The following MARCHF6 variants were observed in gnomAD, a reference collection of about 807,000 sequenced individuals.
MARCHF6 encodes the protein E3 ubiquitin-protein ligase MARCHF6.
MARCHF6 carries 31 observed loss-of-function variants against 133.7 expected under a neutral mutation model. The ratio of observed to expected loss-of-function variants is 0.23; its 90% confidence interval spans 0.17 to 0.31. MARCHF6 has a LOEUF of 0.31. Ranked by LOEUF, MARCHF6 falls within the 10% of genes least tolerant of loss-of-function variation. The pLI, the probability that MARCHF6 is intolerant of heterozygous loss-of-function variation, is 1.00. For missense variants in MARCHF6, 723 were observed against 1,121.6 expected, an observed-to-expected ratio of 0.64 and a Z score of 5.08; for synonymous variants, 395 against 402.5, an observed-to-expected ratio of 0.98 and a Z score of 0.22.
chr5:10,417,995 G>A (rs1739615857), intron 22 of MARCHF6, among the ~76,000 whole-genome samples: 1 of 152,094 alleles, frequency 6.6e-6, no homozygotes, highest in South Asian at 2.1e-4. Context: ...CTTTGAGGTA[G>A]GGTGAATTGT....
chr5:10,394,776 A>G lies in MARCHF6; in HGVS notation c.852A>G (p.Leu284=). Residue 284 remains leucine (L), a synonymous_variant, in exon 9 of 26, where the codon CTA becomes CTG. Transcript: ENST00000274140. ...AGATGCTAGGACTTGATGGATCACTAGTTTTTCTGGTAAGTAAAACTAATT... is the reference window on the plus strand; with the variant it reads ...AGATGCTAGGACTTGATGGATCACTGGTTTTTCTGGTAAGTAAAACTAATT... ...WERMLGLDGS[L]VFLEHVFWVV... is the part of the protein sequence containing the mutation. 3 of 1,559,984 alleles carry G rather than the reference A, an allele frequency of 1.9e-6. No individual in the cohort carries two copies. The highest frequency in any genetic ancestry group is 1.2e-5 in the South Asian group (1 of 86,122).
chr5:10,375,188 G>A (rs1736698041), intron 1 of MARCHF6, among the ~76,000 whole-genome samples: 1 of 152,222 alleles, frequency 6.6e-6, no homozygotes, highest in Non-Finnish European at 1.5e-5. Context: ...CTGGGGCTGC[G>A]TGCAGCGCTT....
At position 10,439,435 on chromosome 5, in the gene MARCHF6, G is replaced by A. The variant is rs972482121; in HGVS notation, c.*5751G>A. ...AAGCACAATCCATGAAGGAAAAATC[G>A]ATAAATTGTACTTTATCAAAATTGA... is the stretch of plus-strand genomic sequence containing the variant. On this transcript the variant is annotated 3_prime_UTR_variant, in exon 26 of 26. Transcript: ENST00000274140. The A allele has an allele frequency of 4.6e-5, 7 of 152,122 alleles. No homozygotes were observed. The highest frequency in any genetic ancestry group is 4.1e-4 in the South Asian group (2 of 4,828). The allele number at this position is 152,122 out of a possible 1,614,324, so 9.4% of individuals were successfully genotyped here.
chr5:10,425,802 C>G (rs1740051734), intron 23 of MARCHF6, among the ~76,000 whole-genome samples: 1 of 152,218 alleles, frequency 6.6e-6, no homozygotes, highest in South Asian at 2.1e-4. Flanking sequence ...CTTTCCTCTG[C>G]ATTACTCTTG....
At chr5:10,355,950 CTTTAT>C (rs967985495) in intron 1 of MARCHF6, among the ~76,000 whole-genome samples, 2 of 152,210 alleles carry the variant, frequency 1.3e-5, no homozygotes, top group African/African-American at 4.8e-5. Context: ...CTTTATTTTG[CTTTAT>C]TTTGTTTTAT....
intron 19 of MARCHF6, 55 bp downstream of exon 19, chr5:10,411,592 T>A: frequency 3.5e-6 from 5 of 1,440,878 alleles, no homozygotes; most frequent in Non-Finnish European, 4.7e-6. Flanking sequence ...TTTTTTGTTC[T>A]CCAAATTGCT....
At chr5:10,423,389 T>C (rs1477570080) in intron 22 of MARCHF6, among the ~76,000 whole-genome samples, 1 of 152,236 alleles carries the variant, frequency 6.6e-6, no homozygotes, top group East Asian at 1.9e-4. Flanking sequence ...ATCAGCTCAC[T>C]TGAAACCAAT....
intron 25 of MARCHF6, among the ~76,000 whole-genome samples, chr5:10,430,924 G>A (rs1323234131): frequency 1.3e-5 from 2 of 152,172 alleles, no homozygotes; most frequent in Non-Finnish European, 2.9e-5. Flanking sequence ...CTTTATGTCC[G>A]AACTGTAGGC....
intron 11 of MARCHF6, 173 bp downstream of exon 11, chr5:10,401,015 G>A: frequency 1.8e-6 from 1 of 553,900 alleles, no homozygotes; most frequent in Non-Finnish European, 3.2e-6. Flanking sequence ...TCAAGAGATA[G>A]TGGTCATGTT....
chr5:10,357,836 A>G (rs1354007728), intron 1 of MARCHF6, among the ~76,000 whole-genome samples: 1 of 152,222 alleles, frequency 6.6e-6, no homozygotes, highest in Non-Finnish European at 1.5e-5. Flanking sequence ...CATAGAGCTT[A>G]CATTATAGTT....
At chr5:10,406,432 C>A (rs1738895213) in intron 16 of MARCHF6, among the ~76,000 whole-genome samples, 1 of 151,178 alleles carries the variant, frequency 6.6e-6, no homozygotes, top group African/African-American at 2.4e-5. Context: ...GTCTGTCACC[C>A]ATGTTAGAGT....
chr5:10,371,319 C>A (rs981405747), intron 1 of MARCHF6, among the ~76,000 whole-genome samples: 1 of 151,684 alleles, frequency 6.6e-6, no homozygotes, highest in African/African-American at 2.4e-5. Flanking sequence ...GTGCTTAGAA[C>A]TGTGTGTAGA....
At chr5:10,376,768 A>G (rs1736807716) in intron 1 of MARCHF6, among the ~76,000 whole-genome samples, 1 of 152,106 alleles carries the variant, frequency 6.6e-6, no homozygotes, top group African/African-American at 2.4e-5. Context: ...ACCACGCACC[A>G]CACTGCTCTC....
intron 11 of MARCHF6, chr5:10,401,110 TTCTGTCCA>T: frequency 8.1e-6 from 3 of 369,076 alleles, no homozygotes; most frequent in Non-Finnish European, 1.5e-5. Flanking sequence ...CAGGCTGATT[TTCTGTCCA>T]TCTCAAGAAC....
chr5:10,397,051 T>C (rs1268501176), intron 9 of MARCHF6, among the ~76,000 whole-genome samples: 1 of 152,254 alleles, frequency 6.6e-6, no homozygotes, highest in African/African-American at 2.4e-5. Flanking sequence ...GAAGTGTTTA[T>C]AAATGAATTT....
At chr5:10,393,288 T>G (rs976434919) in intron 7 of MARCHF6, among the ~76,000 whole-genome samples, 1 of 152,104 alleles carries the variant, frequency 6.6e-6, no homozygotes, top group Non-Finnish European at 1.5e-5. Flanking sequence ...TTGTCCTGGC[T>G]GGTCTTGAAC....
In MARCHF6 at chr5:10,383,056, A is replaced by T. The variant is rs1233547256; in HGVS notation, c.334+1113A>T. On this transcript the variant is annotated intron_variant, in intron 4 of 25. Transcript: ENST00000274140. ...AGATAAGATTCATTAGAGTTAAACT[A>T]AATGTTTAATTAGTATAATTGATAT... Among the ~76,000 whole-genome samples the T allele has an allele frequency of 3.3e-5, 5 of 152,284 alleles. No homozygotes were observed. In the East Asian group the frequency reaches 9.6e-4, roughly 29 times the overall value.
chr5:10,385,455 A>G (rs1278339241), intron 4 of MARCHF6, among the ~76,000 whole-genome samples: 1 of 152,224 alleles, frequency 6.6e-6, no homozygotes, highest in Non-Finnish European at 1.5e-5. Flanking sequence ...AGAGGAAGGA[A>G]GTAGGGAAAT....
In MARCHF6 at chr5:10,379,969, C is replaced by T. The variant is rs899398751; in HGVS notation, c.190+1137C>T. ...ACTTTTAAGGTCAATATTTCATAAG[C>T]CTTTATAAAATATTTTTGCAGCCTT... On this transcript the variant is annotated intron_variant, in intron 3 of 25. Transcript: ENST00000274140. 2.0e-5 allele frequency among the ~76,000 whole-genome samples: 3 copies of T among 151,900 alleles called. 1 individual carries two copies. The South Asian group carries it at 6.2e-4, about 32-fold the overall frequency.
Sources: allele counts gnomAD v4.1 joint callset (sites outside exome capture counted in the v4.1 genomes callset), GRCh38; gene constraint gnomAD v4.1.1; transcripts MANE v1.5; gene names NCBI Gene and HGNC (gene_info 2026-07-23, HGNC 2026-07-21).